The following LINGO2 variants were observed in gnomAD, a reference collection of about 807,000 sequenced individuals.
LINGO2 encodes leucine-rich repeat and immunoglobulin-like domain-containing nogo receptor-interacting protein 2.
In LINGO2, 14 loss-of-function variants were observed where a neutral mutation model predicts 30.6. The ratio of observed to expected loss-of-function variants is 0.46; its 90% CI spans 0.30 to 0.72. The LOEUF (loss-of-function observed/expected upper bound fraction) is 0.72. LINGO2 is among the 30% of genes least tolerant of loss of function. The pLI is 0.07. For missense variants in LINGO2, 729 were observed against 751.7 expected (o/e 0.97, Z 0.35); for synonymous variants, 317 against 288.5 (o/e 1.10, Z -1.00).
chr9:29,160,717 T>C, the LINGO2 span, among the ~76,000 whole-genome samples: 2 of 152,192 alleles, frequency 1.3e-5, no homozygotes, highest in Non-Finnish European at 2.9e-5. Flanking sequence ...TCCTAAAGAA[T>C]AGAGATAATT....
At chr9:28,581,053 A>G (rs1824233095) in intron 1 of LINGO2, among the ~76,000 whole-genome samples, 1 of 152,062 alleles carries the variant, frequency 6.6e-6, no homozygotes, top group African/African-American at 2.4e-5. Flanking sequence ...AAAAACTGGA[A>G]GAAGATATAT....
chr9:27,996,778 G>A (rs576514771), intron 5 of LINGO2, among the ~76,000 whole-genome samples: 111 of 152,242 alleles, frequency 7.3e-4, no homozygotes, highest in South Asian at 3.1e-3. Flanking sequence ...ACACAAAGAA[G>A]TGATAAATGT....
At chr9:28,502,803 G>A (rs987666998) in intron 1 of LINGO2, among the ~76,000 whole-genome samples, 5 of 152,000 alleles carry the variant, frequency 3.3e-5, no homozygotes, top group Admixed American at 1.3e-4. Context: ...TTTTACACAA[G>A]TATTGCCTTT....
chr9:28,273,339 A>T lies in LINGO2; in HGVS notation c.-87+21869T>A, dbSNP rs376733311. Among the ~76,000 whole-genome samples the T allele has an allele frequency of 5.7e-4, 87 of 152,320 alleles. 2 individuals are homozygous for T. The East Asian group carries it at 9.6e-3, about 17-fold the overall frequency. On this transcript the variant is annotated intron_variant, in intron 4 of 5. Transcript: ENST00000379992. ...GTATCCACCAAATCCTGCCAATGGC[A>T]AAAGCAAAGTGGTCCTTCTGTAAAG...
rs16913360 is a variant in LINGO2 at position 28,591,879 on chromosome 9, G to A, written c.-365+78321C>T. On this transcript the variant is annotated intron_variant, in intron 1 of 5. Transcript: ENST00000379992. ...TGTCAGTGCCCACACTTGGCACAAA[G>A]GCTGTGGAGACAACTGCCTTTAATG... is the stretch of plus-strand genomic sequence containing the variant. Among the ~76,000 whole-genome samples the A allele has an allele frequency of 1.9e-3, 283 of 152,152 alleles. 1 individual carries two copies. Among genetic ancestry groups the A allele is most frequent in the African/African-American group, 6.4e-3 (267 of 41,524 alleles).
At chr9:27,954,909 T>G (rs887663164) in intron 5 of LINGO2, among the ~76,000 whole-genome samples, 2 of 152,072 alleles carry the variant, frequency 1.3e-5, no homozygotes, top group Non-Finnish European at 2.9e-5. Context: ...CTTACCAGCA[T>G]AAATTATTTT....
intron 4 of LINGO2, among the ~76,000 whole-genome samples, chr9:28,159,708 C>G (rs1828233614): frequency 6.6e-6 from 1 of 152,106 alleles, no homozygotes; most frequent in Admixed American, 6.5e-5. Context: ...CTGAGATTTC[C>G]TGACATTATC....
intron 1 of LINGO2, among the ~76,000 whole-genome samples, chr9:28,564,940 G>C (rs1003369098): frequency 1.2e-4 from 19 of 152,070 alleles, no homozygotes; most frequent in African/African-American, 4.3e-4. Flanking sequence ...GAGGTTCTAT[G>C]GTATGAAGCT....
At chr9:28,994,932 A>T in the LINGO2 span, among the ~76,000 whole-genome samples, 2 of 152,266 alleles carry the variant, frequency 1.3e-5, no homozygotes, top group South Asian at 2.1e-4. Flanking sequence ...GAAAACCTAG[A>T]CAGTACCATT....
Position 28,148,271 on chromosome 9 carries a change from G to A in LINGO2, c.-86-135866C>T, listed in dbSNP as rs1446505845. 1.3e-6 allele frequency: 1 copy of A among 774,930 alleles called. No homozygotes were observed. Among genetic ancestry groups the A allele is most frequent in the Non-Finnish European group, 2.1e-6 (1 of 471,444 alleles). The allele number at this position is 774,930 out of a possible 1,614,324, so 48.0% of individuals were successfully genotyped here. On this transcript the variant is annotated intron_variant, in intron 4 of 5. Coordinates refer to ENST00000379992, the Ensembl canonical transcript of LINGO2. This position sits in a 1 kb window ranked among gnomAD's most constrained non-coding sequence, Gnocchi z 5.1. ...CCCACAGAGGGTCCTGTCTCCTGTG[G>A]TCTGGAGCCCCGCCTCAAGGAAGAA...
chr9:28,565,515 A>G (rs78426518), intron 1 of LINGO2, among the ~76,000 whole-genome samples: 3 of 140,178 alleles, frequency 2.1e-5, no homozygotes, highest in Non-Finnish European at 4.7e-5. Context: ...TTTTTTTTTT[A>G]CAGACATCTA....
At chr9:29,068,289 T>C in the LINGO2 span, among the ~76,000 whole-genome samples, 1 of 151,712 alleles carries the variant, frequency 6.6e-6, no homozygotes, top group Non-Finnish European at 1.5e-5. Flanking sequence ...TGCTAATAGC[T>C]AATATACCAT....
the LINGO2 span, among the ~76,000 whole-genome samples, chr9:28,703,834 A>C: frequency 9.5e-3 from 1,449 of 152,086 alleles, 31 homozygotes; most frequent in East Asian, 0.083. Context: ...TAGTATAGGT[A>C]CCTTATAATA....
the LINGO2 span, among the ~76,000 whole-genome samples, chr9:29,009,902 C>A: frequency 1.3e-5 from 2 of 152,124 alleles, no homozygotes; most frequent in Non-Finnish European, 1.5e-5. Context: ...TGATCTTGGA[C>A]AAACCTGACA....
chr9:28,031,252 G>A (rs1823654964), intron 4 of LINGO2, among the ~76,000 whole-genome samples: 1 of 151,816 alleles, frequency 6.6e-6, no homozygotes, highest in South Asian at 2.1e-4. Flanking sequence ...GTTAGCTTTG[G>A]AGATACTCAC....
the LINGO2 span, among the ~76,000 whole-genome samples, chr9:29,053,677 T>C: frequency 1.3e-5 from 2 of 152,214 alleles, no homozygotes; most frequent in African/African-American, 2.4e-5. Flanking sequence ...AACAGTTTTA[T>C]TGTGGAGTAC....
chr9:28,813,524 C>A, the LINGO2 span, among the ~76,000 whole-genome samples: 2,941 of 152,124 alleles, frequency 0.019, 92 homozygotes, highest in African/African-American at 0.066. Context: ...CTGTACAAAC[C>A]TCAATGTACC....
At chr9:29,050,076 AGTGCAGTG>A in the LINGO2 span, among the ~76,000 whole-genome samples, 19 of 151,888 alleles carry the variant, frequency 1.3e-4, 1 homozygote, top group Admixed American at 9.2e-4. Context: ...CCCAGGCTTG[AGTGCAGTG>A]GTACAATCTC....
At chr9:28,375,045 C>T (rs921979194) in intron 2 of LINGO2, among the ~76,000 whole-genome samples, 1 of 150,948 alleles carries the variant, frequency 6.6e-6, no homozygotes. Flanking sequence ...GTTTCTAACA[C>T]CCCACCCAAG....
Sources: gnomAD v4.1 joint callset for allele counts (sites outside exome capture counted in the v4.1 genomes callset) on GRCh38, gnomAD v4.1.1 for gene constraint, Gnocchi (gnomAD v3.1) non-coding constraint, MANE v1.5 for transcripts, NCBI Gene and HGNC (gene_info 2026-07-23, HGNC 2026-07-21) for gene names.